ADAMTS9: variants seen among roughly 807,000 people sequenced by gnomAD.
The protein encoded by ADAMTS9 is ADAM metallopeptidase with thrombospondin type 1 motif 9, also known as A disintegrin and metalloproteinase with thrombospondin motifs 9.
ADAMTS9 carries 107 observed loss-of-function variants against 257.1 expected under a neutral mutation model. That is an observed-to-expected ratio of 0.42 (90% CI 0.36 to 0.49). The LOEUF (loss-of-function observed/expected upper bound fraction) is 0.49, where lower values mean the gene tolerates loss of function less well. Ranked by LOEUF, ADAMTS9 falls within the 20% of genes least tolerant of loss-of-function variation. The probability of loss-of-function intolerance (pLI) is 0.03; values close to 1 mark genes in which losing one functional copy is unlikely to be tolerated. For synonymous variants in ADAMTS9, 982 were observed against 880.9 expected, an observed-to-expected ratio of 1.11 and a Z score of -2.03; for missense variants, 2,353 against 2,469.1, an observed-to-expected ratio of 0.95 and a Z score of 1.00.
intron 16 of ADAMTS9, among the ~76,000 whole-genome samples, chr3:64,622,885 T>G (rs1396964076): frequency 6.6e-6 from 1 of 152,222 alleles, no homozygotes; most frequent in African/African-American, 2.4e-5. Context: ...GATCTTGTTA[T>G]ACAAGACCCA....
At chr3:64,551,145 A>T in intron 30 of ADAMTS9, 83 bp from the exon 31 acceptor site, 1 of 1,456,490 alleles carries the variant, frequency 6.9e-7, no homozygotes, top group South Asian at 1.3e-5. Context: ...CTGTCTACAT[A>T]GCCTTTAAGA....
chr3:64,522,281 T>A (rs1373030483), intron 38 of ADAMTS9, 21 bp from the exon 39 acceptor site: 1 of 1,609,362 alleles, frequency 6.2e-7, no homozygotes, highest in Non-Finnish European at 8.5e-7. Flanking sequence ...ATGCATCATG[T>A]TAGCCTGCCT....
intron 12 of ADAMTS9, among the ~76,000 whole-genome samples, chr3:64,636,907 G>A (rs1237601424): frequency 6.6e-6 from 1 of 152,134 alleles, no homozygotes; most frequent in Non-Finnish European, 1.5e-5. Flanking sequence ...CTATTCTTGT[G>A]TCACTGTCCT....
chr3:64,518,596 G>T (rs1024047568), intron 39 of ADAMTS9, among the ~76,000 whole-genome samples: 7 of 152,022 alleles, frequency 4.6e-5, no homozygotes, highest in African/African-American at 1.5e-4. Flanking sequence ...GGTATAGGGT[G>T]AGGCCTGACA....
chr3:64,603,957 G>C lies in ADAMTS9; in HGVS notation c.3712C>G (p.Pro1238Ala). The change falls in exon 25 of 40, where the codon CCC (proline) becomes GCC (alanine). Residue 1238 changes from proline to alanine, a missense_variant. Pro to Ala is a conservative substitution (Grantham distance 27). This residue lies in a region of ADAMTS9 where 1,402 missense variants were observed against 1,441.4 expected (regional missense o/e 0.97). Coordinates refer to ENST00000498707, the MANE Select transcript of ADAMTS9 (RefSeq NM_182920.2). ...TCCAAGGCCTTCCATTGCCCACAGG[G>C]TGTCACAGAACATTCTTCCTTTGCC... ...PVAKEECSVT[P>A]CGQWKALDWS... The C allele has an allele frequency of 1.2e-6, 2 of 1,613,954 alleles. No individual in the cohort carries two copies. Among genetic ancestry groups the C allele is most frequent in the Non-Finnish European group, 1.7e-6 (2 of 1,179,982 alleles).
Position 64,555,576 on chromosome 3 carries a change from T to C in ADAMTS9, c.4699-4514A>G, listed in dbSNP as rs2083322794. Among the ~76,000 whole-genome samples, 3 of 150,722 alleles carry C rather than the reference T, an allele frequency of 2.0e-5. No individual in the cohort carries two copies. The South Asian group carries it at 6.2e-4, about 31-fold the overall frequency. ...CTGGGGTTTAACACCTAGGGCTACC[T>C]GTGCAGTTGTGTAAGCAGTTGTGTT... On this transcript the variant is annotated intron_variant, in intron 30 of 39. Transcript: ENST00000498707.
chr3:64,607,154 G>T (rs763104787), intron 22 of ADAMTS9, 75 bp from the exon 23 acceptor site: 9 of 1,573,828 alleles, frequency 5.7e-6, no homozygotes, highest in Non-Finnish European at 7.7e-6. Flanking sequence ...ATAACATTCT[G>T]CAAGAGAGAA....
intron 8 of ADAMTS9, among the ~76,000 whole-genome samples, chr3:64,651,573 G>A (rs1700932549): frequency 6.6e-6 from 1 of 152,130 alleles, no homozygotes; most frequent in Non-Finnish European, 1.5e-5. Flanking sequence ...AAAGAGTCAG[G>A]GAAGTGTCAA....
intron 22 of ADAMTS9, among the ~76,000 whole-genome samples, chr3:64,610,429 C>T (rs1027336070): frequency 8.5e-5 from 13 of 152,148 alleles, no homozygotes; most frequent in Non-Finnish European, 1.2e-4. Flanking sequence ...AGAAAAGGAA[C>T]ATTATTGAAT....
At chr3:64,597,581 G>T (rs915502171) in intron 26 of ADAMTS9, among the ~76,000 whole-genome samples, 4 of 152,082 alleles carry the variant, frequency 2.6e-5, no homozygotes, top group Admixed American at 6.6e-5. Context: ...GTGGCTAATG[G>T]TAGTAAGACT....
chr3:64,547,337 G>A lies in ADAMTS9; in HGVS notation c.4870-385C>T, dbSNP rs567574509. ...CTAAAGCTATGATGACCACCAAATT[G>A]GGAAGGGAAGAGGAGACAGCAGCAG... On this transcript the variant is annotated intron_variant, in intron 31 of 39. Transcript: ENST00000498707. 6.9e-4 allele frequency among the ~76,000 whole-genome samples: 46 copies of A among 67,142 alleles called. 1 individual carries two copies. The South Asian group carries it at 0.042, about 62-fold the overall frequency. 44.0% of individuals were successfully genotyped at this position (67,142 alleles called of 152,430 possible). A position where few individuals can be genotyped will look rare whatever the true frequency, so the allele number is the denominator to read the frequency against.
intron 37 of ADAMTS9, among the ~76,000 whole-genome samples, chr3:64,536,831 A>T (rs2083056721): frequency 6.6e-6 from 1 of 152,228 alleles, no homozygotes; most frequent in Admixed American, 6.5e-5. Flanking sequence ...AGGATAAAAA[A>T]TATTCTGGTT....
At position 64,623,610 on chromosome 3, in the gene ADAMTS9, G is replaced by A. The variant is rs1201132193; in HGVS notation, c.2390-1024C>T. On this transcript the variant is annotated intron_variant, in intron 16 of 39. Coordinates refer to ENST00000498707, the MANE Select transcript of ADAMTS9 (RefSeq NM_182920.2). ...AAGCCACTATGTCCTGAGATAATTT[G>A]TTACACAGTAAAAGATTAATACACC... Among the ~76,000 whole-genome samples, 4 of 152,264 alleles carry A rather than the reference G, an allele frequency of 2.6e-5. No homozygotes were observed. The East Asian group carries it at 7.7e-4, about 29-fold the overall frequency.
At chr3:64,580,083 A>T (rs976714509) in intron 28 of ADAMTS9, among the ~76,000 whole-genome samples, 2 of 152,148 alleles carry the variant, frequency 1.3e-5, no homozygotes, top group Non-Finnish European at 2.9e-5. Context: ...TCTTAGAGTG[A>T]CATTTTTGTC....
chr3:64,581,425 G>C (rs2083997500), intron 28 of ADAMTS9, among the ~76,000 whole-genome samples: 1 of 151,804 alleles, frequency 6.6e-6, no homozygotes, highest in African/African-American at 2.4e-5. Flanking sequence ...TGTGAGACTG[G>C]CTAATTTTTG....
intron 14 of ADAMTS9, among the ~76,000 whole-genome samples, chr3:64,632,206 G>A (rs964253440): frequency 6.6e-6 from 1 of 152,010 alleles, no homozygotes; most frequent in Non-Finnish European, 1.5e-5. Context: ...GATTCCTCAG[G>A]TGCTTCATCT....
At chr3:64,577,078 C>T (rs537749320) in intron 28 of ADAMTS9, among the ~76,000 whole-genome samples, 2 of 152,162 alleles carry the variant, frequency 1.3e-5, no homozygotes, top group Non-Finnish European at 2.9e-5. Flanking sequence ...GTTATGCAAG[C>T]TATGAAACCC....
chr3:64,518,763 C>CTTTTTT (rs1491154708), intron 39 of ADAMTS9, among the ~76,000 whole-genome samples: 2 of 88,728 alleles, frequency 2.3e-5, no homozygotes, highest in African/African-American at 6.8e-5. Context: ...ATTACCTTTT[C>CTTTTTT]ATTTTTTTTT....
At chr3:64,544,286 A>C (rs2083167649) in intron 32 of ADAMTS9, among the ~76,000 whole-genome samples, 1 of 152,162 alleles carries the variant, frequency 6.6e-6, no homozygotes. Flanking sequence ...TATGGAACCA[A>C]AAAAGAGCCT....
Sources: gnomAD v4.1 joint callset for allele counts (sites outside exome capture counted in the v4.1 genomes callset) on GRCh38, gnomAD v4.1.1 for gene constraint, gnomAD v4.1.1 regional missense constraint, MANE v1.5 for transcripts, NCBI Gene and HGNC (gene_info 2026-07-23, HGNC 2026-07-21) for gene names.